EDIL3: variants seen among roughly 807,000 people sequenced by gnomAD.
The protein encoded by EDIL3 is EGF-like repeat and discoidin I-like domain-containing protein 3.
In EDIL3, 37 loss-of-function variants were observed where a neutral mutation model predicts 67.4. The ratio of observed to expected loss-of-function variants is 0.55; its 90% CI spans 0.42 to 0.72. The LOEUF (loss-of-function observed/expected upper bound fraction) is 0.72. Among genes scored for constraint, EDIL3 ranks in the 30% least tolerant of loss-of-function variants. The pLI, the probability that EDIL3 is intolerant of heterozygous loss-of-function variation, is 0.00. For synonymous variants in EDIL3, 195 were observed against 196.3 expected (o/e 0.99, Z 0.05); for missense variants, 527 against 586.3 (o/e 0.90, Z 1.04).
chr5:84,343,700 T>C (rs1453025523), intron 1 of EDIL3, among the ~76,000 whole-genome samples: 1 of 152,060 alleles, frequency 6.6e-6, no homozygotes, highest in Non-Finnish European at 1.5e-5. Context: ...CTGATGTGTC[T>C]ACAGGAGACG....
intron 10 of EDIL3, among the ~76,000 whole-genome samples, chr5:83,957,489 C>A (rs895760969): frequency 2.6e-5 from 4 of 151,722 alleles, no homozygotes; most frequent in Non-Finnish European, 4.4e-5. Flanking sequence ...CAAAACTACT[C>A]ACTTCAGCAG....
chr5:84,260,765 T>C (rs1047233071), intron 1 of EDIL3, among the ~76,000 whole-genome samples: 5 of 152,184 alleles, frequency 3.3e-5, no homozygotes, highest in African/African-American at 1.2e-4. Flanking sequence ...AGAATATGTC[T>C]GCACCATCAT....
chr5:84,184,817 C>T (rs1358749527), intron 3 of EDIL3, among the ~76,000 whole-genome samples: 1 of 152,174 alleles, frequency 6.6e-6, no homozygotes, highest in Non-Finnish European at 1.5e-5. Flanking sequence ...TGAATTGGTA[C>T]ATTGGAGCTC....
chr5:84,086,355 C>T (rs1016178214), intron 6 of EDIL3, among the ~76,000 whole-genome samples: 2 of 152,096 alleles, frequency 1.3e-5, no homozygotes. Context: ...AAGCGTAGTA[C>T]CCAGGATGGG....
chr5:84,254,455 G>C (rs1349079366), intron 1 of EDIL3, among the ~76,000 whole-genome samples: 1 of 152,132 alleles, frequency 6.6e-6, no homozygotes, highest in African/African-American at 2.4e-5. Context: ...GGTTCAGTTT[G>C]GAGTTCCTTC....
intron 9 of EDIL3, among the ~76,000 whole-genome samples, chr5:83,976,068 T>G (rs1744872536): frequency 6.6e-6 from 1 of 151,890 alleles, no homozygotes; most frequent in Non-Finnish European, 1.5e-5. Context: ...CCAACACAAA[T>G]GACTCCTGAA....
At chr5:84,213,983 C>T (rs955692726) in intron 3 of EDIL3, among the ~76,000 whole-genome samples, 1 of 152,100 alleles carries the variant, frequency 6.6e-6, no homozygotes, top group African/African-American at 2.4e-5. Context: ...GCAGGCTTGC[C>T]CCTTCCCCCT....
At position 84,223,583 on chromosome 5, in the gene EDIL3, T is replaced by G. The variant is rs928561297; in HGVS notation, c.226+6272A>C. Among the ~76,000 whole-genome samples, 7 of 151,598 alleles carry G rather than the reference T, an allele frequency of 4.6e-5. No homozygotes were observed. The East Asian group carries it at 1.3e-3, about 29-fold the overall frequency. ...GAAATCTAAAACAATAAAATTTGAA[T>G]ACATAGAAATAGAGCAGAATAGTGG... On this transcript the variant is annotated intron_variant, in intron 3 of 10. Coordinates refer to ENST00000296591, the MANE Select transcript of EDIL3 (RefSeq NM_005711.5).
intron 7 of EDIL3, among the ~76,000 whole-genome samples, chr5:84,066,162 G>C (rs1746636532): frequency 6.7e-6 from 1 of 148,944 alleles, no homozygotes; most frequent in South Asian, 2.1e-4. Flanking sequence ...CAATAAAAAT[G>C]TATCATTAAA....
chr5:84,182,483 C>T (rs1420077280), intron 3 of EDIL3, among the ~76,000 whole-genome samples: 1 of 151,116 alleles, frequency 6.6e-6, no homozygotes, highest in Non-Finnish European at 1.5e-5. Flanking sequence ...AAAAAACAAA[C>T]AAACAAACTT....
At chr5:84,168,506 T>C (rs778457121) in intron 4 of EDIL3, among the ~76,000 whole-genome samples, 3 of 152,148 alleles carry the variant, frequency 2.0e-5, no homozygotes, top group Non-Finnish European at 4.4e-5. Context: ...AATGATGCTG[T>C]TGAAAGATAG....
intron 1 of EDIL3, among the ~76,000 whole-genome samples, chr5:84,305,519 G>A (rs767901258): frequency 2.6e-5 from 4 of 152,198 alleles, no homozygotes; most frequent in African/African-American, 4.8e-5. Flanking sequence ...TCTCAGCAGA[G>A]TTTGATTTGG....
At chr5:84,300,163 T>G (rs1018588861) in intron 1 of EDIL3, among the ~76,000 whole-genome samples, 1 of 152,220 alleles carries the variant, frequency 6.6e-6, no homozygotes, top group Non-Finnish European at 1.5e-5. Context: ...GGGAAGAATG[T>G]GTTTTATTGC....
At chr5:83,985,792 A>C (rs1337326717) in intron 9 of EDIL3, among the ~76,000 whole-genome samples, 1 of 151,834 alleles carries the variant, frequency 6.6e-6, no homozygotes, top group East Asian at 1.9e-4. Flanking sequence ...TAAAATATAA[A>C]ATAATAGGTA....
chr5:84,259,929 C>T (rs981389534), intron 1 of EDIL3, among the ~76,000 whole-genome samples: 1 of 152,058 alleles, frequency 6.6e-6, no homozygotes, highest in African/African-American at 2.4e-5. Context: ...TTTCTGTGAG[C>T]TTAGTATATA....
intron 10 of EDIL3, 73 bp from the exon 11 acceptor site, chr5:83,943,641 G>T: frequency 1.9e-6 from 3 of 1,539,904 alleles, no homozygotes; most frequent in Non-Finnish European, 2.6e-6. Flanking sequence ...GTTCCTGTTT[G>T]GAACATTTTC....
intron 1 of EDIL3, among the ~76,000 whole-genome samples, 185 bp from the exon 2 acceptor site, chr5:84,254,397 T>C (rs1178311055): frequency 5.3e-5 from 8 of 152,120 alleles, no homozygotes; most frequent in African/African-American, 1.7e-4. Context: ...CTATGTAACA[T>C]GGCAAAAATT....
chr5:84,160,987 C>T (rs562437072), intron 4 of EDIL3, among the ~76,000 whole-genome samples: 1 of 151,970 alleles, frequency 6.6e-6, no homozygotes, highest in East Asian at 1.9e-4. Flanking sequence ...TCTTTTGTCC[C>T]TCACTCCCCA....
intron 3 of EDIL3, among the ~76,000 whole-genome samples, chr5:84,194,170 G>T (rs1017132411): frequency 6.6e-6 from 1 of 151,886 alleles, no homozygotes; most frequent in Non-Finnish European, 1.5e-5. Context: ...GACAGTAAAA[G>T]AGTACACTGA....
Sources: allele counts gnomAD v4.1 joint callset (sites outside exome capture counted in the v4.1 genomes callset), GRCh38; gene constraint gnomAD v4.1.1; transcripts MANE v1.5; gene names NCBI Gene and HGNC (gene_info 2026-07-23, HGNC 2026-07-21).